The following CIITA variants were observed in gnomAD, a reference collection of about 807,000 sequenced individuals.
CIITA encodes class II major histocompatibility complex transactivator, also known as MHC class II transactivator.
CIITA carries 72 observed loss-of-function variants against 115.1 expected under a neutral mutation model. The observed-to-expected ratio is 0.63, with a 90% CI of 0.52 to 0.76. The LOEUF (loss-of-function observed/expected upper bound fraction) is 0.76. Among genes scored for constraint, CIITA ranks in the 30% least tolerant of loss-of-function variants. CIITA has a pLI of 0.00. For synonymous variants in CIITA, 763 were observed against 635.6 expected (o/e 1.20, Z -3.02); for missense variants, 1,617 against 1,463.8 (o/e 1.10, Z -1.71).
At chr16:10,904,359 T>C (rs1257055766) in intron 9 of CIITA, among the ~76,000 whole-genome samples, 1 of 152,074 alleles carries the variant, frequency 6.6e-6, no homozygotes, top group Non-Finnish European at 1.5e-5. Context: ...GCAGCTGGAA[T>C]TACAGGTGTG....
At chr16:10,885,461 T>C (rs546239515) in intron 1 of CIITA, among the ~76,000 whole-genome samples, 1 of 152,318 alleles carries the variant, frequency 6.6e-6, no homozygotes, top group African/African-American at 2.4e-5. Flanking sequence ...GCAGTGTTGC[T>C]ACATGCCTTA....
At chr16:10,869,604 A>G (rs1311036000) in intron 1 of CIITA, among the ~76,000 whole-genome samples, 3 of 150,488 alleles carry the variant, frequency 2.0e-5, no homozygotes, top group African/African-American at 4.9e-5. Context: ...TGCAACTTCC[A>G]TCTCCCAGGT....
chr16:10,910,680 G>A (rs1269054789), intron 13 of CIITA, among the ~76,000 whole-genome samples: 6 of 152,132 alleles, frequency 3.9e-5, no homozygotes, highest in Non-Finnish European at 1.5e-5. Context: ...GGCTTTCCAG[G>A]AATTGTAATT....
chr16:10,910,854 T>G (rs1356430526), intron 13 of CIITA, among the ~76,000 whole-genome samples: 1 of 152,234 alleles, frequency 6.6e-6, no homozygotes, highest in Non-Finnish European at 1.5e-5. Context: ...CCAGGGAGAA[T>G]CTTTCCCCCA....
At chr16:10,875,144 A>G (rs894272540), upstream of CIITA, among the ~76,000 whole-genome samples, 2 of 151,976 alleles carry the variant, frequency 1.3e-5, no homozygotes, top group Admixed American at 1.3e-4. Flanking sequence ...TTTTTAGTAG[A>G]GAAAGGATTT....
chr16:10,889,668 C>T (rs538828659), intron 1 of CIITA, among the ~76,000 whole-genome samples: 14 of 152,076 alleles, frequency 9.2e-5, no homozygotes, highest in East Asian at 7.7e-4. Context: ...TACAGAAGCA[C>T]GCCACCATGC....
At position 10,920,226 on chromosome 16, in the gene CIITA, A is replaced by T. The variant is rs1245660758; in HGVS notation, c.3149+1700A>T. The stretch of plus-strand genomic sequence containing the variant: ...GGTGGGCCTGGGAAGGCGACACTTG[A>T]TCTGATTTACACTTTTCTTTTTTCT... On this transcript the variant is annotated intron_variant, in intron 16 of 19. Transcript: ENST00000324288. This position sits in a 1 kb window ranked among gnomAD's most constrained non-coding sequence, Gnocchi z 4.5. 6.6e-6 allele frequency among the ~76,000 whole-genome samples: 1 copy of T among 152,114 alleles called. No individual in the cohort carries two copies. The highest frequency in any genetic ancestry group is 2.4e-5 in the African/African-American group (1 of 41,420).
rs2035933172 is a variant in CIITA at position 10,877,429 on chromosome 16, G to C, written c.52+47G>C. The C allele has an allele frequency of 1.9e-6, 3 of 1,569,824 alleles. No individual in the cohort carries two copies. The East Asian group carries it at 6.9e-5, about 36-fold the overall frequency. ...CTTAATTTAGCGTGCAGTCTCAGCT[G>C]GTCCTGCCATTCCAGATAAACAGAG... On this transcript the variant is annotated intron_variant, in intron 1 of 19. Coordinates refer to ENST00000324288, the MANE Select transcript of CIITA (RefSeq NM_000246.4).
chr16:10,906,902 C>T lies in CIITA; in HGVS notation c.1410C>T (p.Phe470=), dbSNP rs761639366. Residue 470 remains phenylalanine, a synonymous_variant, in exon 11 of 20, where the codon TTC becomes TTT. Coordinates refer to ENST00000324288, the MANE Select transcript of CIITA (RefSeq NM_000246.4). The stretch of plus-strand genomic sequence containing the variant: ...CCTATGGCCTGCAGGATCTGCTCTT[C>T]TCCCTGGGCCCACAGCCACTCGTGG... ...GDAYGLQDLL[F]SLGPQPLVAA... is the part of the protein sequence containing the mutation. 9 of 1,613,526 alleles carry T rather than the reference C, an allele frequency of 5.6e-6. No homozygotes were observed. Among genetic ancestry groups the T allele is most frequent in the South Asian group, 1.1e-5 (1 of 91,088 alleles).
rs779430445 is a variant in CIITA at position 10,916,377 on chromosome 16, C to A, written c.2980C>A (p.Leu994Met). Residue 994 changes from leucine (L) to methionine (M), a missense_variant, in exon 15 of 20, where the codon CTG (leucine) becomes ATG (methionine). Leu to Met is a conservative substitution (Grantham distance 15). Coordinates refer to ENST00000324288, the MANE Select transcript of CIITA (RefSeq NM_000246.4). ...TGATTCCACCTGCAGCCTGGATGCG[C>A]TGAGTGAGAACAAGATCGGGGACGA... The part of the protein sequence containing the change: ...SSLQHLDLDA[L>M]SENKIGDEGV... 3.1e-6 allele frequency: 5 copies of A among 1,613,886 alleles called. No individual in the cohort carries two copies. Among genetic ancestry groups the A allele is most frequent in the Non-Finnish European group, 4.2e-6 (5 of 1,179,932 alleles).
intron 13 of CIITA, among the ~76,000 whole-genome samples, chr16:10,914,450 C>T (rs1416153248): frequency 2.6e-5 from 4 of 152,136 alleles, no homozygotes; most frequent in Non-Finnish European, 5.9e-5. Flanking sequence ...ATCAAGGATG[C>T]TCATTCAAAC....
intron 13 of CIITA, among the ~76,000 whole-genome samples, chr16:10,911,682 A>G (rs1034473923): frequency 6.6e-6 from 1 of 151,908 alleles, no homozygotes; most frequent in Admixed American, 6.6e-5. Context: ...CAGCCTCCCT[A>G]GTAGCTGGGA....
chr16:10,899,081 C>T, intron 5 of CIITA, 79 bp downstream of exon 5: 1 of 1,392,038 alleles, frequency 7.2e-7, no homozygotes, highest in Non-Finnish European at 1.0e-6. Flanking sequence ...TGCTGTGGGT[C>T]CAACTTGCTT....
chr16:10,902,367 A>G (rs1353194733), intron 7 of CIITA, among the ~76,000 whole-genome samples, 183 bp downstream of exon 7: 1 of 152,288 alleles, frequency 6.6e-6, no homozygotes, highest in East Asian at 1.9e-4. Flanking sequence ...CCTGGCAGAG[A>G]ACATGCCTCA....
chr16:10,897,103 G>A (rs1019739904), intron 3 of CIITA, among the ~76,000 whole-genome samples: 1 of 152,240 alleles, frequency 6.6e-6, no homozygotes, highest in African/African-American at 2.4e-5. Context: ...AGGTGAGGCA[G>A]TGCGTTAGTC....
Position 10,907,230 on chromosome 16 carries a change from C to G in CIITA, c.1738C>G (p.Arg580Gly). ...SMEQAQAYVMRYFESSGMTEH... is the reference protein window; with the variant it reads ...SMEQAQAYVMGYFESSGMTEH... ...GGAGCAGGCCCAGGCATACGTGATG[C>G]GCTACTTTGAGAGCTCAGGGATGAC... is the stretch of plus-strand genomic sequence containing the variant. The change falls in exon 11 of 20, where the codon CGC (arginine) becomes GGC (glycine). Residue 580 changes from arginine (R) to glycine (G), a missense_variant. Physicochemically the swap from Arg to Gly is moderately radical, Grantham distance 125. Coordinates refer to ENST00000324288, the MANE Select transcript of CIITA (RefSeq NM_000246.4). This position sits in a 1 kb window ranked among gnomAD's most constrained non-coding sequence, Gnocchi z 5.0. 3 of 1,613,566 alleles carry G rather than the reference C, an allele frequency of 1.9e-6. No individual in the cohort carries two copies. Among genetic ancestry groups the G allele is most frequent in the Non-Finnish European group, 2.5e-6 (3 of 1,179,990 alleles).
At chr16:10,918,110 A>G (rs1182844817) in intron 15 of CIITA, among the ~76,000 whole-genome samples, 3 of 152,224 alleles carry the variant, frequency 2.0e-5, no homozygotes, top group South Asian at 4.1e-4. Context: ...GAAGCCCACA[A>G]CCCGGCAGAA....
At chr16:10,889,942 C>A (rs1567379008) in intron 1 of CIITA, among the ~76,000 whole-genome samples, 1 of 152,202 alleles carries the variant, frequency 6.6e-6, no homozygotes, top group African/African-American at 2.4e-5. Context: ...GGCGTGTGAA[C>A]CTCCTCTAAG....
At chr16:10,866,660 G>A (rs949576171) in intron 1 of CIITA, 1 of 392,922 alleles carries the variant, frequency 2.5e-6, no homozygotes, top group Non-Finnish European at 5.0e-6. Flanking sequence ...GGAAGTCAAT[G>A]GGAAGGCAGA....
Sources: gnomAD v4.1 joint callset for allele counts (sites outside exome capture counted in the v4.1 genomes callset) on GRCh38, gnomAD v4.1.1 for gene constraint, Gnocchi (gnomAD v3.1) non-coding constraint, MANE v1.5 for transcripts, NCBI Gene and HGNC (gene_info 2026-07-23, HGNC 2026-07-21) for gene names.